CUX1: variants seen among roughly 807,000 people sequenced by gnomAD.
CUX1 encodes cut like homeobox 1, also known as protein CASP.
CUX1 carries 31 observed loss-of-function variants against 158.8 expected under a neutral mutation model. That is an observed-to-expected ratio of 0.20 (90% CI 0.15 to 0.26). CUX1 has a LOEUF of 0.26. CUX1 is among the 10% of genes least tolerant of loss of function. The pLI is 1.00. For missense variants in CUX1, 1,589 were observed against 2,014.6 expected (o/e 0.79, Z 4.04); for synonymous variants, 879 against 862.1 (o/e 1.02, Z -0.34).
At chr7:102,009,611 G>A (rs529880053) in intron 2 of CUX1, among the ~76,000 whole-genome samples, 1 of 152,346 alleles carries the variant, frequency 6.6e-6, no homozygotes, top group South Asian at 2.1e-4. Context: ...CTTTCTACAA[G>A]TAAAATAATT....
At chr7:102,272,070 C>G (rs879995750) in intron 14 of CUX1, among the ~76,000 whole-genome samples, 5 of 152,222 alleles carry the variant, frequency 3.3e-5, no homozygotes, top group African/African-American at 1.2e-4. Flanking sequence ...CGAGGCGAGA[C>G]TCTGGTGTGA....
chr7:101,958,844 C>CTTT lies in CUX1; in HGVS notation c.141+42645_141+42647dup, dbSNP rs10667965. ...TTTTCTGTCATAAGGAGATGATGCC[C>CTTT]TTTTTTTTTTTTTTTTTTTTTTTTT... On this transcript the variant is annotated intron_variant, in intron 2 of 23. Coordinates refer to ENST00000292535, the MANE Select transcript of CUX1 (RefSeq NM_181552.4). Among the ~76,000 whole-genome samples, 452 of 65,818 alleles carry CTTT rather than the reference C, an allele frequency of 6.9e-3. 56 individuals carry two copies. The highest frequency in any genetic ancestry group is 0.022 in the East Asian group (42 of 1,932). 43.2% of individuals were successfully genotyped at this position (65,818 alleles called of 152,430 possible). A position where few individuals can be genotyped will look rare whatever the true frequency, so the allele number is the denominator to read the frequency against.
intron 2 of CUX1, among the ~76,000 whole-genome samples, chr7:101,979,774 C>T (rs900715312): frequency 5.3e-5 from 8 of 152,156 alleles, no homozygotes; most frequent in South Asian, 2.1e-4. Flanking sequence ...CTCAGCCTCC[C>T]GAGTAGCTGG....
chr7:102,044,765 A>G (rs1822541815), intron 3 of CUX1, among the ~76,000 whole-genome samples: 2 of 152,210 alleles, frequency 1.3e-5, no homozygotes, highest in South Asian at 4.1e-4. Context: ...AAAATAGGTC[A>G]GTGCCCTGCT....
At chr7:101,937,020 G>T (rs867069030) in intron 2 of CUX1, among the ~76,000 whole-genome samples, 7 of 152,188 alleles carry the variant, frequency 4.6e-5, no homozygotes, top group Non-Finnish European at 8.8e-5. Context: ...TTTAGAACCA[G>T]CTCCTGGAAT....
intron 1 of CUX1, chr7:101,913,439 G>C: frequency 8.1e-7 from 1 of 1,241,650 alleles, no homozygotes; most frequent in South Asian, 1.3e-5. Flanking sequence ...CGGGATCAAG[G>C]TGGGTTCACC....
At chr7:101,822,713 C>T (rs1448737326) in intron 1 of CUX1, among the ~76,000 whole-genome samples, 1 of 152,052 alleles carries the variant, frequency 6.6e-6, no homozygotes, top group African/African-American at 2.4e-5. Flanking sequence ...CCAGCCTGGC[C>T]AACATGGCAA....
chr7:102,178,753 T>G (rs951993365), intron 11 of CUX1, 96 bp downstream of exon 11: 1 of 1,351,824 alleles, frequency 7.4e-7, no homozygotes, highest in Non-Finnish European at 1.0e-6. Flanking sequence ...CTGGACTTGA[T>G]AGCAAGTGTG....
At chr7:102,060,889 G>A (rs867690100) in intron 3 of CUX1, among the ~76,000 whole-genome samples, 62 of 147,328 alleles carry the variant, frequency 4.2e-4, no homozygotes, top group Middle Eastern at 3.5e-3. Flanking sequence ...TGCGATTACA[G>A]GTGTGAACCA....
chr7:102,123,308 G>A (rs1319977342), intron 8 of CUX1, among the ~76,000 whole-genome samples: 2 of 151,792 alleles, frequency 1.3e-5, no homozygotes, highest in Non-Finnish European at 2.9e-5. Flanking sequence ...CATGCAATCA[G>A]TTTTTAAAAA....
At chr7:102,214,365 A>C (rs1432721321) in intron 20 of CUX1, among the ~76,000 whole-genome samples, 1 of 151,210 alleles carries the variant, frequency 6.6e-6, no homozygotes, top group Non-Finnish European at 1.5e-5. Context: ...CTCTACAGAA[A>C]ATTTAAAATT....
At chr7:102,213,903 C>T (rs1796794737) in intron 20 of CUX1, among the ~76,000 whole-genome samples, 3 of 152,072 alleles carry the variant, frequency 2.0e-5, no homozygotes, top group South Asian at 2.1e-4. Flanking sequence ...GAGGCCAAGG[C>T]GGGTGGATCA....
intron 8 of CUX1, among the ~76,000 whole-genome samples, chr7:102,136,090 T>C (rs569784864): frequency 2.0e-5 from 3 of 152,308 alleles, no homozygotes; most frequent in South Asian, 2.1e-4. Context: ...TTTGTTTCTG[T>C]TTGTTATTCT....
intron 2 of CUX1, among the ~76,000 whole-genome samples, chr7:101,930,544 C>CT (rs995666378): frequency 4.5e-4 from 69 of 152,142 alleles, no homozygotes; most frequent in African/African-American, 1.6e-3. Flanking sequence ...ATGTTATTGA[C>CT]TAACATTGGC....
chr7:102,009,556 G>A (rs559508109), intron 2 of CUX1, among the ~76,000 whole-genome samples: 5 of 152,346 alleles, frequency 3.3e-5, no homozygotes, highest in African/African-American at 1.2e-4. Context: ...GCCTCCCAAA[G>A]TGTTGAGATT....
Position 102,248,378 on chromosome 7 carries a change from C to T in CUX1, c.3888-34C>T, listed in dbSNP as rs1554537703. ...CCAGAGGCCCTTTCCCCAGCAGCAC[C>T]CCCCTCACGTCCCCGCCGCTTGTTG... On this transcript the variant is annotated intron_variant, in intron 23 of 23. Transcript: ENST00000292535. This position sits in a 1 kb window ranked among gnomAD's most constrained non-coding sequence, Gnocchi z 5.8. The T allele has an allele frequency of 3.2e-6, 5 of 1,547,266 alleles. No individual in the cohort carries two copies. The highest frequency in any genetic ancestry group is 1.2e-5 in the South Asian group (1 of 86,226).
intron 4 of CUX1, among the ~76,000 whole-genome samples, chr7:102,093,572 G>C (rs1828874750): frequency 6.6e-6 from 1 of 152,146 alleles, no homozygotes; most frequent in Admixed American, 6.5e-5. Flanking sequence ...TGGGTGAGAT[G>C]CATCCACCCC....
chr7:102,267,733 C>T (rs964463647), intron 14 of CUX1, among the ~76,000 whole-genome samples: 3 of 152,170 alleles, frequency 2.0e-5, no homozygotes, highest in East Asian at 3.9e-4. Context: ...GTGGTGCAAT[C>T]GTAGCTCTCT....
chr7:102,016,467 A>C (rs1199349004), intron 2 of CUX1, among the ~76,000 whole-genome samples: 1 of 152,224 alleles, frequency 6.6e-6, no homozygotes, highest in Non-Finnish European at 1.5e-5. Context: ...TCTGTCGCAT[A>C]AATGGAAGTC....
Sources: gnomAD v4.1 joint callset for allele counts (sites outside exome capture counted in the v4.1 genomes callset) on GRCh38, gnomAD v4.1.1 for gene constraint, Gnocchi (gnomAD v3.1) non-coding constraint, MANE v1.5 for transcripts, NCBI Gene and HGNC (gene_info 2026-07-23, HGNC 2026-07-21) for gene names.